NR1H4: variants seen among roughly 807,000 people sequenced by gnomAD.
NR1H4 encodes bile acid receptor.
In NR1H4, 23 loss-of-function variants were observed where a neutral mutation model predicts 58.5. The observed-to-expected ratio is 0.39, with a 90% CI of 0.28 to 0.56. The LOEUF (loss-of-function observed/expected upper bound fraction) is 0.56. Ranked by LOEUF, NR1H4 falls within the 20% of genes least tolerant of loss-of-function variation. The pLI is 0.58. For synonymous variants in NR1H4, 214 were observed against 198.0 expected (o/e 1.08, Z -0.68); for missense variants, 487 against 576.9 (o/e 0.84, Z 1.60).
chr12:100,525,682 A>G (rs1331773986), intron 4 of NR1H4, among the ~76,000 whole-genome samples: 2 of 152,158 alleles, frequency 1.3e-5, no homozygotes, highest in East Asian at 1.9e-4. Context: ...CTCTGCTTCT[A>G]TTTTCTGGAA....
At chr12:100,559,624 A>C (rs747850004) in intron 9 of NR1H4, among the ~76,000 whole-genome samples, 15 of 152,188 alleles carry the variant, frequency 9.9e-5, no homozygotes, top group Non-Finnish European at 2.2e-4. Flanking sequence ...CCCGAGGGGC[A>C]GGGCTCGGGA....
At chr12:100,537,713 T>TTTTTG (rs1039415578) in intron 8 of NR1H4, among the ~76,000 whole-genome samples, 16 of 152,140 alleles carry the variant, frequency 1.1e-4, no homozygotes, top group South Asian at 4.1e-4. Flanking sequence ...TGTTTTTTTG[T>TTTTTG]TTTTGTTTTG....
intron 1 of NR1H4, among the ~76,000 whole-genome samples, chr12:100,488,590 G>T (rs933854066): frequency 6.6e-6 from 1 of 152,060 alleles, no homozygotes; most frequent in African/African-American, 2.4e-5. Flanking sequence ...AGACTCTCAC[G>T]TGTAGACATA....
At chr12:100,547,758 C>A (rs980940178) in intron 9 of NR1H4, among the ~76,000 whole-genome samples, 1 of 151,768 alleles carries the variant, frequency 6.6e-6, no homozygotes, top group Non-Finnish European at 1.5e-5. Flanking sequence ...CTCACTCTGT[C>A]GCCCAGGCTG....
intron 5 of NR1H4, among the ~76,000 whole-genome samples, chr12:100,533,343 G>A (rs1278743028): frequency 6.6e-6 from 1 of 152,132 alleles, no homozygotes; most frequent in East Asian, 1.9e-4. Flanking sequence ...GTCACCAAGG[G>A]GATGACAGCA....
At chr12:100,541,724 G>A (rs1032554425) in intron 9 of NR1H4, among the ~76,000 whole-genome samples, 3 of 151,472 alleles carry the variant, frequency 2.0e-5, no homozygotes, top group African/African-American at 7.3e-5. Context: ...AGCTTCCCAA[G>A]TAGCTGGGAC....
intron 1 of NR1H4, among the ~76,000 whole-genome samples, chr12:100,478,205 G>T (rs142116974): frequency 3.3e-5 from 5 of 152,046 alleles, no homozygotes; most frequent in African/African-American, 1.2e-4. Flanking sequence ...GGGAGAAGAC[G>T]TATATGGAGG....
chr12:100,541,049 TGAA>T (rs757181511), intron 9 of NR1H4, among the ~76,000 whole-genome samples: 4 of 152,174 alleles, frequency 2.6e-5, no homozygotes, highest in Non-Finnish European at 5.9e-5. Flanking sequence ...TGCACTAAGA[TGAA>T]GAGCCAAAGG....
In NR1H4 at chr12:100,483,204, G is replaced by T. The variant is rs544660851; in HGVS notation, c.-190+9145G>T. On this transcript the variant is annotated intron_variant, in intron 1 of 10. Coordinates refer to ENST00000392986, the MANE Select transcript of NR1H4 (RefSeq NM_001206979.2). ...GCCTCCCAAAGTGCTGGGATTACAG[G>T]CATGAGCCACTGTGCCTGGCCTGTC... Among the ~76,000 whole-genome samples, 14 of 152,196 alleles carry T rather than the reference G, an allele frequency of 9.2e-5. No individual in the cohort carries two copies. In the East Asian group the frequency reaches 2.7e-3, roughly 29 times the overall value.
chr12:100,500,747 C>T (rs1953815799), intron 3 of NR1H4, among the ~76,000 whole-genome samples: 1 of 152,168 alleles, frequency 6.6e-6, no homozygotes, highest in Non-Finnish European at 1.5e-5. Context: ...TCCCTTCCTA[C>T]TCTCTCTCCT....
At chr12:100,542,153 C>T (rs1001039686) in intron 9 of NR1H4, among the ~76,000 whole-genome samples, 2 of 151,870 alleles carry the variant, frequency 1.3e-5, no homozygotes, top group African/African-American at 2.4e-5. Flanking sequence ...CAAGACCAGC[C>T]TGGCCAACAT....
intron 9 of NR1H4, among the ~76,000 whole-genome samples, chr12:100,541,580 C>T (rs1328438148): frequency 6.6e-6 from 1 of 151,078 alleles, no homozygotes; most frequent in East Asian, 1.9e-4. Flanking sequence ...CCGTGCCTGA[C>T]TAAAGTTAAC....
intron 4 of NR1H4, among the ~76,000 whole-genome samples, chr12:100,511,931 ATT>A (rs1234074106): frequency 1.4e-5 from 2 of 143,468 alleles, no homozygotes; most frequent in African/African-American, 5.2e-5. Context: ...TCAAAAAATA[ATT>A]TTTTTTTTTT....
At chr12:100,521,808 C>A (rs3789985) in intron 4 of NR1H4, among the ~76,000 whole-genome samples, 1 of 152,062 alleles carries the variant, frequency 6.6e-6, no homozygotes, top group East Asian at 1.9e-4. Context: ...TATTGACATC[C>A]TATTTAAGAT....
chr12:100,551,915 T>C (rs995862210), intron 9 of NR1H4, among the ~76,000 whole-genome samples: 2 of 152,208 alleles, frequency 1.3e-5, no homozygotes, highest in Admixed American at 1.3e-4. Context: ...ACAATGTAAG[T>C]GGTATGTAAA....
Position 100,540,667 on chromosome 12 carries a change from C to A in NR1H4, c.932-5C>A, listed in dbSNP as rs756309971. The A allele has an allele frequency of 5.0e-6, 8 of 1,613,898 alleles. No individual in the cohort carries two copies. Among genetic ancestry groups the A allele is most frequent in the Non-Finnish European group, 6.8e-6 (8 of 1,179,826 alleles). ...GATACCAATTTGATTATCATCATTA[C>A]CTAGGATTTCAGACTTTGGACCATG... On this transcript the variant is annotated splice_polypyrimidine_tract_variant and splice_region_variant and intron_variant, in intron 8 of 10. Coordinates refer to ENST00000392986, the MANE Select transcript of NR1H4 (RefSeq NM_001206979.2).
At chr12:100,474,190 T>A (rs533661508) in intron 1 of NR1H4, 131 bp downstream of exon 1, 1 of 152,134 alleles carries the variant, frequency 6.6e-6, no homozygotes, top group Non-Finnish European at 1.5e-5. Flanking sequence ...TAGAGTTTGA[T>A]GTAAAGTCCT....
chr12:100,481,938 A>C (rs922650215), intron 1 of NR1H4, among the ~76,000 whole-genome samples: 2 of 151,298 alleles, frequency 1.3e-5, no homozygotes, highest in African/African-American at 4.9e-5. Context: ...AAAAATAAAT[A>C]AATAAATAAA....
chr12:100,501,511 C>A (rs1953834379), intron 3 of NR1H4, among the ~76,000 whole-genome samples: 1 of 152,106 alleles, frequency 6.6e-6, no homozygotes, highest in South Asian at 2.1e-4. Flanking sequence ...CAGCTTCATT[C>A]CTTACTAATG....
Sources: gnomAD v4.1 joint callset for allele counts (sites outside exome capture counted in the v4.1 genomes callset) on GRCh38, gnomAD v4.1.1 for gene constraint, MANE v1.5 for transcripts, NCBI Gene and HGNC (gene_info 2026-07-23, HGNC 2026-07-21) for gene names.